The following TTC21B variants were observed in gnomAD, a reference collection of about 807,000 sequenced individuals.
TTC21B encodes the protein tetratricopeptide repeat protein 21B.
A neutral mutation model predicts 175.1 loss-of-function variants in TTC21B; 127 were observed. The observed-to-expected ratio is 0.73, with a 90% confidence interval of 0.63 to 0.84. The LOEUF is 0.84. Ranked by LOEUF, TTC21B falls within the 40% of genes least tolerant of loss-of-function variation. The pLI, the probability that TTC21B is intolerant of heterozygous loss-of-function variation, is 0.00. For missense variants in TTC21B, 1,561 were observed against 1,558.3 expected (o/e 1.00, Z -0.03); for synonymous variants, 524 against 524.5 (o/e 1.00, Z 0.01).
chr2:165,940,998 G>C (rs1687345091), intron 6 of TTC21B, 29 bp downstream of exon 6: 1 of 1,612,392 alleles, frequency 6.2e-7, no homozygotes, highest in Non-Finnish European at 8.5e-7. Flanking sequence ...CAAATCCAAA[G>C]AGACTTGTGT....
chr2:165,943,920 T>A (rs1044988276), intron 4 of TTC21B, among the ~76,000 whole-genome samples: 1 of 152,124 alleles, frequency 6.6e-6, no homozygotes, highest in Non-Finnish European at 1.5e-5. Context: ...TTGTAAGACA[T>A]ATGGGATTGA....
In TTC21B at chr2:165,901,844, G is replaced by C; in HGVS notation, c.2635C>G (p.Gln879Glu). The C allele has an allele frequency of 3.1e-6, 5 of 1,613,882 alleles. No individual in the cohort carries two copies. Among genetic ancestry groups the C allele is most frequent in the South Asian group, 2.2e-5 (2 of 91,076 alleles). Residue 879 changes from glutamine (Q) to glutamate (E), a missense_variant, in exon 20 of 29, where the codon CAG becomes GAG. Physicochemically the swap from Gln to Glu is conservative, Grantham distance 29 (BLOSUM62 2). Coordinates refer to ENST00000243344, the MANE Select transcript of TTC21B (RefSeq NM_024753.5). The part of the protein sequence containing the change: ...QMEQPDAVPA[Q>E]KHLAAEICAE... ...CAAATTTCAGCTGCTAAATGTTTCT[G>C]TGCAGGAACTGCATCTGGCTGTTCC...
At chr2:165,944,380 T>C (rs1687475709) in intron 4 of TTC21B, among the ~76,000 whole-genome samples, 1 of 152,186 alleles carries the variant, frequency 6.6e-6, no homozygotes, top group South Asian at 2.1e-4. Flanking sequence ...CTCAAAGACA[T>C]CCTAATACGT....
intron 22 of TTC21B, among the ~76,000 whole-genome samples, chr2:165,896,016 T>C (rs1685350115): frequency 6.6e-6 from 1 of 152,216 alleles, no homozygotes; most frequent in Non-Finnish European, 1.5e-5. Context: ...GTTCTCTAAA[T>C]TCAAACATCT....
At chr2:165,946,333 C>T (rs1360795101) in intron 3 of TTC21B, among the ~76,000 whole-genome samples, 3 of 150,664 alleles carry the variant, frequency 2.0e-5, no homozygotes, top group Non-Finnish European at 4.4e-5. Flanking sequence ...AGCAAGACCC[C>T]GACTCAAAAA....
chr2:165,876,795 T>G (rs1346808242), intron 27 of TTC21B, among the ~76,000 whole-genome samples: 2 of 152,214 alleles, frequency 1.3e-5, no homozygotes, highest in Non-Finnish European at 2.9e-5. Context: ...GTCTGAAATC[T>G]GAAGAATGAG....
intron 25 of TTC21B, among the ~76,000 whole-genome samples, chr2:165,884,729 T>C (rs534517833): frequency 1.3e-5 from 2 of 152,288 alleles, no homozygotes; most frequent in African/African-American, 2.4e-5. Context: ...GTGAAACCAA[T>C]AGGTTAATGA....
At chr2:165,941,563 T>G (rs1446892580) in intron 5 of TTC21B, among the ~76,000 whole-genome samples, 2 of 152,164 alleles carry the variant, frequency 1.3e-5, no homozygotes, top group East Asian at 3.8e-4. Flanking sequence ...ATTTTGCATC[T>G]TTTTTAAGAA....
At chr2:165,926,921 C>A (rs1686649974) in intron 11 of TTC21B, among the ~76,000 whole-genome samples, 1 of 146,368 alleles carries the variant, frequency 6.8e-6, no homozygotes, top group Admixed American at 7.1e-5. Flanking sequence ...TTGTGGGACA[C>A]TGTGATCGTG....
At chr2:165,932,023 A>G (rs904747590) in intron 7 of TTC21B, among the ~76,000 whole-genome samples, 167 bp from the exon 8 acceptor site, 3 of 152,178 alleles carry the variant, frequency 2.0e-5, no homozygotes, top group Non-Finnish European at 4.4e-5. Flanking sequence ...AAACATATTT[A>G]AGATTCTAAC....
chr2:165,949,670 C>A lies in TTC21B; in HGVS notation c.76G>T (p.Ala26Ser), dbSNP rs751579887. 3 of 1,612,846 alleles carry A rather than the reference C, an allele frequency of 1.9e-6. No homozygotes were observed. In the East Asian group the frequency reaches 6.7e-5, roughly 36 times the overall value. ...ERYFHHVLLV[A>S]SEGIKRYGSD... ...CCATACCTCTTAATTCCTTCACTGG[C>A]AACCAGTAATACATGATGGAAATAT... The change falls in exon 2 of 29, where the codon GCC becomes TCC. Residue 26 changes from alanine to serine, a missense_variant. Physicochemically the swap from Ala to Ser is moderately conservative, Grantham distance 99. Coordinates refer to ENST00000243344, the MANE Select transcript of TTC21B (RefSeq NM_024753.5).
intron 12 of TTC21B, 50 bp downstream of exon 12, chr2:165,924,493 CTTGTTT>C: frequency 6.4e-7 from 1 of 1,554,206 alleles, no homozygotes. Context: ...TTTATTTACG[CTTGTTT>C]TTATCAACAT....
intron 24 of TTC21B, 45 bp from the exon 25 acceptor site, chr2:165,888,519 T>C (rs748375224): frequency 5.6e-6 from 8 of 1,429,650 alleles, no homozygotes; most frequent in Non-Finnish European, 7.8e-6. Context: ...TTACTCATGA[T>C]ACAATTCATT....
At chr2:165,914,691 G>GTGTGTGTGTC (rs1245233255) in intron 15 of TTC21B, among the ~76,000 whole-genome samples, 2 of 148,250 alleles carry the variant, frequency 1.3e-5, no homozygotes, top group African/African-American at 5.2e-5. Context: ...GTGTGTGTGT[G>GTGTGTGTGTC]TGTGTGTTGT....
chr2:165,883,481 A>G (rs1684900835), intron 26 of TTC21B, among the ~76,000 whole-genome samples: 1 of 152,214 alleles, frequency 6.6e-6, no homozygotes, highest in African/African-American at 2.4e-5. Flanking sequence ...TTCTTCTGCA[A>G]TTTTCATTAG....
At chr2:165,952,554 T>C (rs1158178985) in intron 1 of TTC21B, among the ~76,000 whole-genome samples, 1 of 152,220 alleles carries the variant, frequency 6.6e-6, no homozygotes, top group Non-Finnish European at 1.5e-5. Context: ...GAACCTCAAG[T>C]CTAAGTAATG....
chr2:165,902,911 C>T (rs1685615445), intron 19 of TTC21B, among the ~76,000 whole-genome samples: 1 of 152,188 alleles, frequency 6.6e-6, no homozygotes, highest in South Asian at 2.1e-4. Flanking sequence ...AAGTAGAAAG[C>T]AGGGAAAGAC....
At chr2:165,937,661 C>A (rs780424111) in intron 6 of TTC21B, among the ~76,000 whole-genome samples, 11 of 151,878 alleles carry the variant, frequency 7.2e-5, no homozygotes, top group Non-Finnish European at 1.6e-4. Context: ...AAAATGATAT[C>A]TATGAAATAC....
intron 19 of TTC21B, among the ~76,000 whole-genome samples, chr2:165,907,231 A>G (rs1439735595): frequency 6.6e-6 from 1 of 152,116 alleles, no homozygotes; most frequent in Admixed American, 6.6e-5. Context: ...AATTCAAGTC[A>G]CTTATAAAGA....
Sources: gnomAD v4.1 joint callset for allele counts (sites outside exome capture counted in the v4.1 genomes callset) on GRCh38, gnomAD v4.1.1 for gene constraint, MANE v1.5 for transcripts, NCBI Gene and HGNC (gene_info 2026-07-23, HGNC 2026-07-21) for gene names.